AGBL4: variants seen among roughly 807,000 people sequenced by gnomAD.
AGBL4 encodes the protein AGBL carboxypeptidase 4.
A neutral mutation model predicts 66.4 loss-of-function variants in AGBL4; 58 were observed. That is an observed-to-expected ratio of 0.87 (90% CI 0.71 to 1.09). The LOEUF is 1.09. Ranked by LOEUF, AGBL4 falls within the 50% of genes least tolerant of loss-of-function variation. The pLI is 0.00. For synonymous variants in AGBL4, 234 were observed against 222.9 expected (o/e 1.05, Z -0.44); for missense variants, 579 against 631.0 (o/e 0.92, Z 0.88).
At chr1:50,020,118 A>C (rs1278191698) in intron 1 of AGBL4, among the ~76,000 whole-genome samples, 1 of 151,978 alleles carries the variant, frequency 6.6e-6, no homozygotes, top group Non-Finnish European at 1.5e-5. Flanking sequence ...TCTACCTCAC[A>C]CAGAGACCGG....
At chr1:48,578,066 A>C (rs535728158) in intron 11 of AGBL4, among the ~76,000 whole-genome samples, 13 of 152,072 alleles carry the variant, frequency 8.5e-5, no homozygotes, top group African/African-American at 3.1e-4. Flanking sequence ...TGTGAAATGG[A>C]GATACTATCT....
chr1:48,958,347 T>C (rs111725533), intron 5 of AGBL4, among the ~76,000 whole-genome samples: 5 of 152,356 alleles, frequency 3.3e-5, no homozygotes, highest in African/African-American at 1.2e-4. Context: ...AATGTTCTTA[T>C]TCTCTCTTCT....
downstream of AGBL4, among the ~76,000 whole-genome samples, chr1:48,531,323 C>T (rs1479611301): frequency 1.3e-5 from 2 of 152,116 alleles, no homozygotes; most frequent in Non-Finnish European, 2.9e-5. Context: ...ACTGTACACT[C>T]CATTTGCTGA....
chr1:49,283,907 A>C (rs1221738042), intron 3 of AGBL4, among the ~76,000 whole-genome samples: 3 of 149,760 alleles, frequency 2.0e-5, no homozygotes, highest in African/African-American at 7.4e-5. Context: ...TGTACCTGAA[A>C]GTGACGGGGA....
At chr1:48,676,160 A>T (rs1646361608) in intron 6 of AGBL4, among the ~76,000 whole-genome samples, 1 of 151,230 alleles carries the variant, frequency 6.6e-6, no homozygotes, top group African/African-American at 2.5e-5. Context: ...AAACTAGGTA[A>T]GGAGAGATGT....
rs142154700 is a variant in AGBL4 at position 49,717,803 on chromosome 1, A to C, written c.158-20366T>G. On this transcript the variant is annotated intron_variant, in intron 2 of 13. Transcript: ENST00000371839. ...AAATCTCTGTTGAGCAAATGTATAC[A>C]TAAAAGCTAACCTCAAAAGTTGTTA... 4.3e-4 allele frequency among the ~76,000 whole-genome samples: 65 copies of C among 152,194 alleles called. No individual in the cohort carries two copies. In the East Asian group the frequency reaches 0.012, roughly 27 times the overall value.
chr1:48,788,537 C>A (rs1645462331), intron 6 of AGBL4, among the ~76,000 whole-genome samples: 1 of 152,162 alleles, frequency 6.6e-6, no homozygotes, highest in South Asian at 2.1e-4. Context: ...AAATCATGAT[C>A]AGATATTATA....
chr1:48,944,493 A>G (rs186028017), intron 5 of AGBL4, among the ~76,000 whole-genome samples: 242 of 152,272 alleles, frequency 1.6e-3, no homozygotes, highest in Admixed American at 3.9e-3. Flanking sequence ...ACATGGTCAA[A>G]CTCCCACAAT....
At chr1:49,650,197 G>T (rs554715974) in intron 3 of AGBL4, among the ~76,000 whole-genome samples, 1 of 152,240 alleles carries the variant, frequency 6.6e-6, no homozygotes, top group African/African-American at 2.4e-5. Context: ...ACAGGTAAAT[G>T]GTCATGATCT....
At chr1:48,584,820 A>G (rs1295621140) in intron 11 of AGBL4, 1 of 152,208 alleles carries the variant, frequency 6.6e-6, no homozygotes, top group Non-Finnish European at 1.5e-5. Flanking sequence ...CCATGTAAAG[A>G]CATTCTTGTC....
intron 1 of AGBL4, among the ~76,000 whole-genome samples, chr1:49,882,493 C>A (rs978213127): frequency 1.8e-4 from 27 of 151,852 alleles, no homozygotes; most frequent in African/African-American, 6.0e-4. Context: ...TGGCCATTTT[C>A]ACGATATTGA....
At chr1:49,541,557 A>C (rs1022578937) in intron 3 of AGBL4, among the ~76,000 whole-genome samples, 38 of 152,296 alleles carry the variant, frequency 2.5e-4, no homozygotes, top group African/African-American at 7.7e-4. Flanking sequence ...ACTGGGCCTC[A>C]GCTGCCTCTC....
Position 49,365,468 on chromosome 1 carries a change from A to G in AGBL4, c.283-119604T>C, listed in dbSNP as rs1450493694. ...TGGCATAGATAGGATAGCTGTTCAAACAATAGAAGCTATGTATTTATTATT... is the reference window on the plus strand; with the variant it reads ...TGGCATAGATAGGATAGCTGTTCAAGCAATAGAAGCTATGTATTTATTATT... On this transcript the variant is annotated intron_variant, in intron 3 of 13. Transcript: ENST00000371839. Among the ~76,000 whole-genome samples the G allele has an allele frequency of 2.0e-5, 3 of 151,694 alleles. No individual in the cohort carries two copies. In the East Asian group the frequency reaches 5.8e-4, roughly 29 times the overall value.
rs1274375280 is a variant in AGBL4, at chr1:49,658,759, C to CA, written c.282+38553dup. The stretch of plus-strand genomic sequence containing the variant: ...CATTCTCAGCAAACTATCGCAAGGA[C>CA]AAAAAACCAAACACCGCATGTTCTC... On this transcript the variant is annotated intron_variant, in intron 3 of 13. Coordinates refer to ENST00000371839, the MANE Select transcript of AGBL4 (RefSeq NM_032785.4). 8.8e-5 allele frequency among the ~76,000 whole-genome samples: 13 copies of CA among 147,746 alleles called. No individual in the cohort carries two copies. In the East Asian group the frequency reaches 1.0e-3, roughly 12 times the overall value.
At chr1:48,812,966 G>T (rs902532451) in intron 6 of AGBL4, among the ~76,000 whole-genome samples, 1 of 151,812 alleles carries the variant, frequency 6.6e-6, no homozygotes, top group Non-Finnish European at 1.5e-5. Context: ...GTTGTGGGGT[G>T]GGGGGAGAGG....
intron 6 of AGBL4, among the ~76,000 whole-genome samples, chr1:48,837,675 C>T (rs949987095): frequency 7.2e-6 from 1 of 138,148 alleles, no homozygotes; most frequent in African/African-American, 2.7e-5. Flanking sequence ...CACACACACA[C>T]ACACACACAC....
intron 3 of AGBL4, among the ~76,000 whole-genome samples, chr1:49,289,013 C>G (rs1379179380): frequency 6.6e-6 from 1 of 151,834 alleles, no homozygotes; most frequent in Non-Finnish European, 1.5e-5. Context: ...CACACACACA[C>G]ACAGAGAGAG....
At chr1:49,235,547 T>C (rs1000635998) in intron 4 of AGBL4, among the ~76,000 whole-genome samples, 1 of 152,242 alleles carries the variant, frequency 6.6e-6, no homozygotes, top group African/African-American at 2.4e-5. Flanking sequence ...GTGTACTTAC[T>C]TGAGTAAGCC....
chr1:48,828,143 C>T (rs1160883513), intron 6 of AGBL4, among the ~76,000 whole-genome samples: 1 of 150,518 alleles, frequency 6.6e-6, no homozygotes, highest in Non-Finnish European at 1.5e-5. Context: ...TTGCAGTGAG[C>T]CAAGATTGCG....
Sources: gnomAD v4.1 joint callset for allele counts (sites outside exome capture counted in the v4.1 genomes callset) on GRCh38, gnomAD v4.1.1 for gene constraint, MANE v1.5 for transcripts, NCBI Gene and HGNC (gene_info 2026-07-23, HGNC 2026-07-21) for gene names.